CFAP299: variants seen among roughly 807,000 people sequenced by gnomAD.
The protein encoded by CFAP299 is cilia- and flagella-associated protein 299.
In CFAP299, 21 loss-of-function variants were observed where a neutral mutation model predicts 27.0. The observed-to-expected ratio is 0.78, with a 90% CI of 0.55 to 1.12. The LOEUF is 1.12. CFAP299 is among the 50% of genes most tolerant of loss of function. The pLI, the probability that CFAP299 is intolerant of heterozygous loss-of-function variation, is 0.00. For missense variants in CFAP299, 310 were observed against 276.6 expected (o/e 1.12, Z -0.86); for synonymous variants, 104 against 98.1 (o/e 1.06, Z -0.36).
intron 3 of CFAP299, among the ~76,000 whole-genome samples, chr4:80,722,675 CG>C (rs1310675229): frequency 6.6e-6 from 1 of 151,926 alleles, no homozygotes; most frequent in Non-Finnish European, 1.5e-5. Flanking sequence ...CTGAGGCAGG[CG>C]GATCACGAGG....
At chr4:80,439,894 G>C (rs1480003545) in intron 2 of CFAP299, among the ~76,000 whole-genome samples, 3 of 152,182 alleles carry the variant, frequency 2.0e-5, no homozygotes, top group Non-Finnish European at 4.4e-5. Context: ...ACTGAGGCTT[G>C]AGTAAGTGGT....
chr4:80,430,273 C>T (rs997795254), intron 2 of CFAP299, among the ~76,000 whole-genome samples: 1 of 152,126 alleles, frequency 6.6e-6, no homozygotes. Flanking sequence ...GGACAATAAA[C>T]AAAACAAACA....
intron 3 of CFAP299, among the ~76,000 whole-genome samples, chr4:80,749,064 A>T (rs993653492): frequency 6.6e-6 from 1 of 152,144 alleles, no homozygotes; most frequent in African/African-American, 2.4e-5. Flanking sequence ...TATAGGCAGC[A>T]TTTCTAGTAT....
Position 80,405,116 on chromosome 4 carries a change from C to T in CFAP299, c.242+42232C>T, listed in dbSNP as rs146084204. ...GTGAAGCTTTGAACATGGCCAGTTT[C>T]CATACCTGCCCAATATGGATCTCAT... On this transcript the variant is annotated intron_variant, in intron 2 of 5. Transcript: ENST00000358105. Among the ~76,000 whole-genome samples, 887 of 152,252 alleles carry T rather than the reference C, an allele frequency of 5.8e-3. 4 individuals carry two copies. The highest frequency in any genetic ancestry group is 9.0e-3 in the Non-Finnish European group (610 of 68,026).
chr4:80,732,883 T>C (rs1723620626), intron 3 of CFAP299, among the ~76,000 whole-genome samples: 1 of 152,102 alleles, frequency 6.6e-6, no homozygotes, highest in African/African-American at 2.4e-5. Flanking sequence ...GTAGTGAAAA[T>C]AAATTTAGCA....
intron 3 of CFAP299, among the ~76,000 whole-genome samples, chr4:80,682,310 A>G (rs559176046): frequency 6.6e-6 from 1 of 152,290 alleles, no homozygotes; most frequent in South Asian, 2.1e-4. Context: ...CCTTTGGGGA[A>G]GGGAGCTGTG....
chr4:80,384,675 T>C (rs1724877654), intron 2 of CFAP299, among the ~76,000 whole-genome samples: 1 of 152,018 alleles, frequency 6.6e-6, no homozygotes, highest in Non-Finnish European at 1.5e-5. Context: ...AGGAAGGAAA[T>C]TGTTCCGAAA....
chr4:80,711,661 G>A (rs1722181374), intron 3 of CFAP299, among the ~76,000 whole-genome samples: 1 of 152,140 alleles, frequency 6.6e-6, no homozygotes, highest in African/African-American at 2.4e-5. Context: ...CTAACTCCCA[G>A]CTAACTGGAA....
At chr4:80,793,320 G>A (rs1727677134) in intron 3 of CFAP299, among the ~76,000 whole-genome samples, 3 of 151,948 alleles carry the variant, frequency 2.0e-5, no homozygotes, top group South Asian at 2.1e-4. Flanking sequence ...GCCTTTTCAC[G>A]TTTTTCTGCC....
intron 3 of CFAP299, among the ~76,000 whole-genome samples, chr4:80,586,795 A>G (rs1355337209): frequency 1.3e-5 from 2 of 152,192 alleles, no homozygotes; most frequent in Non-Finnish European, 2.9e-5. Flanking sequence ...GAGAGGTCAC[A>G]TGCTGTTCGG....
intron 5 of CFAP299, among the ~76,000 whole-genome samples, chr4:80,946,822 G>A (rs184258481): frequency 2.0e-5 from 3 of 152,112 alleles, no homozygotes; most frequent in Non-Finnish European, 4.4e-5. Context: ...ATCAGTAGGG[G>A]CAAAGTACAG....
At chr4:80,856,348 T>A (rs1348249980) in intron 3 of CFAP299, among the ~76,000 whole-genome samples, 1 of 149,722 alleles carries the variant, frequency 6.7e-6, no homozygotes, top group African/African-American at 2.5e-5. Context: ...TCCCATTTTG[T>A]GGGTTGCCTG....
chr4:80,527,728 C>T (rs1733261349), intron 2 of CFAP299, among the ~76,000 whole-genome samples: 1 of 152,062 alleles, frequency 6.6e-6, no homozygotes. Context: ...CCTGACCCCT[C>T]TGTTTTGGAA....
intron 2 of CFAP299, among the ~76,000 whole-genome samples, chr4:80,547,190 A>G (rs1287175833): frequency 1.3e-5 from 2 of 152,134 alleles, no homozygotes; most frequent in African/African-American, 2.4e-5. Context: ...ACACAGACCA[A>G]TGGAAAAGGA....
At chr4:80,386,482 G>A (rs955770246) in intron 2 of CFAP299, 10 of 1,545,106 alleles carry the variant, frequency 6.5e-6, no homozygotes, top group Non-Finnish European at 7.0e-6. Context: ...CCGCCACGGC[G>A]CGGGGCTGCC....
At chr4:80,421,727 T>G (rs1236265607) in intron 2 of CFAP299, among the ~76,000 whole-genome samples, 1 of 152,220 alleles carries the variant, frequency 6.6e-6, no homozygotes, top group Non-Finnish European at 1.5e-5. Context: ...TGAAGTTAGA[T>G]GCAAATCTTC....
chr4:80,901,004 A>G (rs555401638), intron 4 of CFAP299, among the ~76,000 whole-genome samples: 7 of 152,210 alleles, frequency 4.6e-5, no homozygotes, highest in African/African-American at 1.2e-4. Flanking sequence ...CATGAAGTCA[A>G]TTAAAAAGGG....
At chr4:80,396,050 G>A (rs1725769875) in intron 2 of CFAP299, among the ~76,000 whole-genome samples, 1 of 152,066 alleles carries the variant, frequency 6.6e-6, no homozygotes, top group African/African-American at 2.4e-5. Context: ...TAAGTAAATA[G>A]AGCAATAGAT....
intron 2 of CFAP299, among the ~76,000 whole-genome samples, chr4:80,523,040 T>C (rs1469737748): frequency 1.3e-5 from 2 of 152,154 alleles, no homozygotes; most frequent in Non-Finnish European, 1.5e-5. Flanking sequence ...AAAATGTCTT[T>C]GGGATTTTGA....
Sources: gnomAD v4.1 joint callset for allele counts (sites outside exome capture counted in the v4.1 genomes callset) on GRCh38, gnomAD v4.1.1 for gene constraint, MANE v1.5 for transcripts, NCBI Gene and HGNC (gene_info 2026-07-23, HGNC 2026-07-21) for gene names.